The following PRAM1 variants were observed in gnomAD, a reference collection of about 807,000 sequenced individuals.
PRAM1 encodes PML-RARA regulated adaptor molecule 1, also known as PML-RARA-regulated adapter molecule 1.
Under a neutral mutation model 55.3 loss-of-function variants are expected in PRAM1, and 41 were observed. That is an observed-to-expected ratio of 0.74 (90% CI 0.58 to 0.96). The LOEUF (loss-of-function observed/expected upper bound fraction) is 0.96, where lower values mean the gene tolerates loss of function less well. PRAM1 is among the 40% of genes least tolerant of loss of function. The pLI is 0.00. For missense variants in PRAM1, 898 were observed against 892.7 expected (o/e 1.01, Z -0.08); for synonymous variants, 401 against 387.1 (o/e 1.04, Z -0.42).
rs115025368 is a variant in PRAM1, at chr19:8,490,225, A to G, written c.1977T>C (p.Asp659=). The stretch of plus-strand genomic sequence containing the variant: ...GGGGGAGTGGTTGGTTTTCCAGGGG[A>G]TCTGCCGAGGAAGCGTGACTTCCAT... ...TEVYDDVDFC[D]PLENQPLPLG... The change falls in exon 10 of 10, where the codon GAT becomes GAC. Residue 659 remains aspartate (D), a splice_region_variant and synonymous_variant. Coordinates refer to ENST00000423345, the MANE Select transcript of PRAM1 (RefSeq NM_032152.5). This position sits in a 1 kb window ranked among gnomAD's most constrained non-coding sequence, Gnocchi z 7.3. 3,726 of 1,602,868 alleles carry G rather than the reference A, an allele frequency of 2.3e-3. 95 individuals carry two copies. The African/African-American group carries it at 0.045, about 19-fold the overall frequency.
At chr19:8,502,542 C>A (rs1386430285) in intron 1 of PRAM1, 23 bp downstream of exon 1, 1 of 1,488,116 alleles carries the variant, frequency 6.7e-7, no homozygotes. Context: ...GCCAGTGAGG[C>A]ACAGGCCTCT....
At chr19:8,492,186 C>T (rs959616033) in intron 4 of PRAM1, among the ~76,000 whole-genome samples, 45 of 151,098 alleles carry the variant, frequency 3.0e-4, no homozygotes, top group African/African-American at 1.1e-3. Context: ...CCACCCGCCT[C>T]GGCCTCCCAA....
In PRAM1 at chr19:8,493,016, A is replaced by T. The variant is rs1971650913; in HGVS notation, c.1577-1859T>A. Among the ~76,000 whole-genome samples the T allele has an allele frequency of 2.0e-5, 3 of 152,100 alleles. No homozygotes were observed. Among genetic ancestry groups the T allele is most frequent in the African/African-American group, 7.2e-5 (3 of 41,408 alleles). ...TGTCTCAAAATAGTAAATAAAAATA[A>T]TTTTTAAAAGATGCTGCTAGGGTAA... On this transcript the variant is annotated intron_variant, in intron 4 of 9. Coordinates refer to ENST00000423345, the MANE Select transcript of PRAM1 (RefSeq NM_032152.5). This position sits in a 1 kb window ranked among gnomAD's most constrained non-coding sequence, Gnocchi z 4.1.
In PRAM1 at chr19:8,498,505, G is replaced by A; in HGVS notation, c.1303C>T (p.Pro435Ser). 1 of 1,599,906 alleles carries A rather than the reference G, an allele frequency of 6.3e-7. No homozygotes were observed. Among genetic ancestry groups the A allele is most frequent in the Admixed American group, 1.7e-5 (1 of 59,128 alleles). ...HSGGARPGLR[P>S]SHPPRRRPLP... ...GGCCTCCGCCGGGGTGGATGGCTGGGTCTGAGGCCTGGCCTGGCCCCTCCA... is the reference window on the plus strand; with the variant it reads ...GGCCTCCGCCGGGGTGGATGGCTGGATCTGAGGCCTGGCCTGGCCCCTCCA... Residue 435 changes from proline (P) to serine (S), a missense_variant, in exon 2 of 10, where the codon CCC becomes TCC. Pro to Ser is a moderately conservative substitution (Grantham distance 74, BLOSUM62 -1). This residue lies in a region of PRAM1 where 787 missense variants were observed against 735.4 expected (regional missense o/e 1.07). Transcript: ENST00000423345.
In PRAM1 at chr19:8,490,330, C is replaced by T. The variant is rs758433219; in HGVS notation, c.1975+8G>A. 3.7e-6 allele frequency: 6 copies of T among 1,614,016 alleles called. No individual in the cohort carries two copies. The highest frequency in any genetic ancestry group is 3.3e-5 in the Admixed American group (2 of 60,030). On this transcript the variant is annotated splice_region_variant and intron_variant, in intron 9 of 9. Transcript: ENST00000423345. The surrounding 1 kb of genome is among the most constrained non-coding windows in gnomAD (Gnocchi z 7.3). ...GGTCCCTCCAGCCCTCCCAGAGTGT[C>T]CACGTACCGCAGAAGTCGACATCAT...
At position 8,498,953 on chromosome 19, in the gene PRAM1, A is replaced by C; in HGVS notation, c.855T>G (p.Pro285=). 6.2e-7 allele frequency: 1 copy of C among 1,613,206 alleles called. No homozygotes were observed. Among genetic ancestry groups the C allele is most frequent in the Non-Finnish European group, 8.5e-7 (1 of 1,179,636 alleles). The change falls in exon 2 of 10, where the codon CCT becomes CCG. Residue 285 remains proline, a synonymous_variant. Coordinates refer to ENST00000423345, the MANE Select transcript of PRAM1 (RefSeq NM_032152.5). The stretch of plus-strand genomic sequence containing the variant: ...TGAGGTCCCCAAGCTCAGGCTGCGG[A>C]GGCTTCTTGGGAAAGTCACTCAGCG... The part of the protein sequence containing the change: ...QPPLSDFPKK[P]PQPELGDLTR...
rs2303110 is a variant in PRAM1 at position 8,491,002 on chromosome 19, G to T, written c.1635-7C>A. 1.8e-5 allele frequency: 29 copies of T among 1,613,120 alleles called. No individual in the cohort carries two copies. The South Asian group carries it at 2.5e-4, about 14-fold the overall frequency. On this transcript the variant is annotated splice_region_variant and splice_polypyrimidine_tract_variant and intron_variant, in intron 5 of 9. Transcript: ENST00000423345. ...CTGGGGATCCTTCTCCTTCCTGATAGCCCCCACCAAGGAATTGTGTGCTCG... is the reference window on the plus strand; with the variant it reads ...CTGGGGATCCTTCTCCTTCCTGATATCCCCCACCAAGGAATTGTGTGCTCG...
chr19:8,499,821 C>A (rs1377135624), intron 1 of PRAM1, 41 bp from the exon 2 acceptor site: 18 of 1,508,606 alleles, frequency 1.2e-5, no homozygotes, highest in Non-Finnish European at 1.5e-5. Context: ...CTCAAACACA[C>A]AGAAGGGGCA....
Position 8,499,482 on chromosome 19 carries a change from G to C in PRAM1, c.326C>G (p.Pro109Arg). ...EVTDLPKKPP[P>R]PEVTDLPKKP... Reference sequence around the variant, plus strand: ...CTTGGGGAGGTCAGTGACCTCAGGCGGCGGGGGCTTCTTGGGGAGGTCAGT... The same window carrying C: ...CTTGGGGAGGTCAGTGACCTCAGGCCGCGGGGGCTTCTTGGGGAGGTCAGT... Residue 109 changes from proline to arginine, a missense_variant, in exon 2 of 10, where the codon CCG becomes CGG. By Grantham distance (103) the Pro-to-Arg change is moderately radical (BLOSUM62 -2). This residue lies in a region of PRAM1 where 30 missense variants were observed against 44.6 expected (regional missense o/e 0.67). Coordinates refer to ENST00000423345, the MANE Select transcript of PRAM1 (RefSeq NM_032152.5). 1 of 1,606,612 alleles carries C rather than the reference G, an allele frequency of 6.2e-7. No homozygotes were observed. The highest frequency in any genetic ancestry group is 8.5e-7 in the Non-Finnish European group (1 of 1,178,442).
chr19:8,490,466 T>G lies in PRAM1; in HGVS notation c.1940+10A>C. 1 of 1,613,118 alleles carries G rather than the reference T, an allele frequency of 6.2e-7. No individual in the cohort carries two copies. The highest frequency in any genetic ancestry group is 8.5e-7 in the Non-Finnish European group (1 of 1,179,632). ...CGCACTCCCCCACCACGGTCAGGGC[T>G]GGCACTCACAGGGGCAGGAGCGCTG... On this transcript the variant is annotated intron_variant, in intron 8 of 9. Coordinates refer to ENST00000423345, the MANE Select transcript of PRAM1 (RefSeq NM_032152.5). This position sits in a 1 kb window ranked among gnomAD's most constrained non-coding sequence, Gnocchi z 7.3.
rs201098926 is a variant in PRAM1, at chr19:8,499,649, G to A, written c.159C>T (p.Ser53=). 7.7e-5 allele frequency: 124 copies of A among 1,613,326 alleles called. 2 individuals carry two copies. Among genetic ancestry groups the A allele is most frequent in the Non-Finnish European group, 9.8e-5 (116 of 1,179,670 alleles). Residue 53 remains serine (S), a synonymous_variant, in exon 2 of 10, where the codon AGC becomes AGT. Coordinates refer to ENST00000423345, the MANE Select transcript of PRAM1 (RefSeq NM_032152.5). ...GCAGCGGGGCCTTCTTGGGGTGCTC[G>A]CTTAGCTCAGGCTGGGAGAACTTCT... ...KLKKFSQPEL[S]EHPKKAPLPE...
intron 3 of PRAM1, 61 bp from the exon 4 acceptor site, chr19:8,497,901 G>C (rs1174913450): frequency 1.9e-6 from 2 of 1,051,172 alleles, no homozygotes; most frequent in East Asian, 5.8e-5. Context: ...TTTTTGAGAC[G>C]GAGTTTTTCT....
Position 8,493,263 on chromosome 19 carries a change from G to A in PRAM1, c.1577-2106C>T, listed in dbSNP as rs1971653960. Among the ~76,000 whole-genome samples the A allele has an allele frequency of 6.6e-6, 1 of 152,116 alleles. No homozygotes were observed. The highest frequency in any genetic ancestry group is 1.5e-5 in the Non-Finnish European group (1 of 68,020). ...TCCGAATGGCTCAAAGTATCCCGCCGGACATTTCAGGCCTGTAGTCCCTCC... is the reference window on the plus strand; with the variant it reads ...TCCGAATGGCTCAAAGTATCCCGCCAGACATTTCAGGCCTGTAGTCCCTCC... On this transcript the variant is annotated intron_variant, in intron 4 of 9. Coordinates refer to ENST00000423345, the MANE Select transcript of PRAM1 (RefSeq NM_032152.5). The surrounding 1 kb of genome is among the most constrained non-coding windows in gnomAD (Gnocchi z 4.1).
In PRAM1 at chr19:8,498,369, C is replaced by G; in HGVS notation, c.1432+7G>C. 1 of 1,584,234 alleles carries G rather than the reference C, an allele frequency of 6.3e-7. No individual in the cohort carries two copies. The highest frequency in any genetic ancestry group is 8.6e-7 in the Non-Finnish European group (1 of 1,165,242). ...CGCTCCTGCCGGTGCCGCCCGCCCT[C>G]ACCCACCTATGGATGCTGCAGAGGG... On this transcript the variant is annotated splice_region_variant and intron_variant, in intron 2 of 9. Transcript: ENST00000423345.
intron 4 of PRAM1, among the ~76,000 whole-genome samples, chr19:8,496,418 AAAAAAAT>A (rs1373575494): frequency 6.6e-6 from 1 of 151,778 alleles, no homozygotes; most frequent in Non-Finnish European, 1.5e-5. Flanking sequence ...CTGTGTCTCC[AAAAAAAT>A]AAAAAATAAA....
chr19:8,490,546 A>AGG lies in PRAM1; in HGVS notation c.1907-39_1907-38dup, dbSNP rs201769733. 1,460 of 1,603,902 alleles carry AGG rather than the reference A, an allele frequency of 9.1e-4. 13 individuals carry two copies. The African/African-American group carries it at 0.017, about 18-fold the overall frequency. On this transcript the variant is annotated intron_variant, in intron 7 of 9. Coordinates refer to ENST00000423345, the MANE Select transcript of PRAM1 (RefSeq NM_032152.5). The surrounding 1 kb of genome is among the most constrained non-coding windows in gnomAD (Gnocchi z 7.3). ...GTGGGCATGGTGGGTTCTGAGGCCCAGGGTGGCGGCGGGGACCTCCCGGGG... is the reference window on the plus strand; with the variant it reads ...GTGGGCATGGTGGGTTCTGAGGCCCAGGGGGTGGCGGCGGGGACCTCCCGGGG...
chr19:8,490,550 T>TGGC lies in PRAM1; in HGVS notation c.1906+41_1907-42dup. On this transcript the variant is annotated intron_variant, in intron 7 of 9. Coordinates refer to ENST00000423345, the MANE Select transcript of PRAM1 (RefSeq NM_032152.5). The surrounding 1 kb of genome is among the most constrained non-coding windows in gnomAD (Gnocchi z 7.3). ...GCATGGTGGGTTCTGAGGCCCAGGG[T>TGGC]GGCGGCGGGGACCTCCCGGGGCTGC... 1 of 1,601,648 alleles carries TGGC rather than the reference T, an allele frequency of 6.2e-7. No homozygotes were observed. The highest frequency in any genetic ancestry group is 8.5e-7 in the Non-Finnish European group (1 of 1,174,642).
Position 8,490,968 on chromosome 19 carries a change from C to G in PRAM1, c.1662G>C (p.Gln554His). Residue 554 changes from glutamine to histidine, a missense_variant, in exon 6 of 10, where the codon CAG becomes CAC. Physicochemically the swap from Gln to His is conservative, Grantham distance 24. This residue lies in a region of PRAM1 where 787 missense variants were observed against 735.4 expected (regional missense o/e 1.07). Coordinates refer to ENST00000423345, the MANE Select transcript of PRAM1 (RefSeq NM_032152.5). The surrounding 1 kb of genome is among the most constrained non-coding windows in gnomAD (Gnocchi z 7.3). ...GCAACTTTGGGTCCATGGGTGGCAA[C>G]TGCTGTGGCTGGGGATCCTTCTCCT... is the stretch of plus-strand genomic sequence containing the variant. The part of the protein sequence containing the change: ...LRKEKDPQPQ[Q>H]LPPMDPKLLK... The G allele has an allele frequency of 6.2e-7, 1 of 1,613,688 alleles. No homozygotes were observed. The highest frequency in any genetic ancestry group is 1.1e-5 in the South Asian group (1 of 91,086).
In PRAM1 at chr19:8,490,228, T is replaced by C; in HGVS notation, c.1976-2A>G. The stretch of plus-strand genomic sequence containing the variant: ...GGAGTGGTTGGTTTTCCAGGGGATC[T>C]GCCGAGGAAGCGTGACTTCCATGGA... On this transcript the variant is annotated splice_acceptor_variant, in intron 9 of 9. Transcript: ENST00000423345. LOFTEE classifies it high-confidence loss of function. The surrounding 1 kb of genome is among the most constrained non-coding windows in gnomAD (Gnocchi z 7.3). The C allele has an allele frequency of 6.2e-7, 1 of 1,604,468 alleles. No individual in the cohort carries two copies. The highest frequency in any genetic ancestry group is 8.5e-7 in the Non-Finnish European group (1 of 1,174,512).
Sources: allele counts gnomAD v4.1 joint callset (sites outside exome capture counted in the v4.1 genomes callset), GRCh38; gene constraint gnomAD v4.1.1; regional missense constraint gnomAD v4.1.1; non-coding constraint Gnocchi (gnomAD v3.1); transcripts MANE v1.5; gene names NCBI Gene and HGNC (gene_info 2026-07-23, HGNC 2026-07-21).